Variants in CADPS observed in about 807,000 individuals in gnomAD.
CADPS encodes calcium dependent secretion activator.
CADPS carries 57 observed loss-of-function variants against 167.3 expected under a neutral mutation model. That is an observed-to-expected ratio of 0.34 (90% CI 0.28 to 0.42). The LOEUF is 0.42. Among genes scored for constraint, CADPS ranks in the 20% least tolerant of loss-of-function variants. The pLI, the probability that CADPS is intolerant of heterozygous loss-of-function variation, is 1.00. For synonymous variants in CADPS, 676 were observed against 635.3 expected, an observed-to-expected ratio of 1.06 and a Z score of -0.96; for missense variants, 1,414 against 1,738.1, an observed-to-expected ratio of 0.81 and a Z score of 3.32.
intron 1 of CADPS, among the ~76,000 whole-genome samples, chr3:62,857,999 T>C (rs566191653): frequency 1.3e-3 from 199 of 152,292 alleles, no homozygotes; most frequent in Non-Finnish European, 2.6e-3. Context: ...ATTTCCACTT[T>C]TGTCTAAACA....
intron 13 of CADPS, among the ~76,000 whole-genome samples, 146 bp downstream of exon 13, chr3:62,532,715 CTTTGTGTGTG>C (rs1383338297): frequency 1.5e-5 from 1 of 66,074 alleles, no homozygotes; most frequent in Non-Finnish European, 3.1e-5. Flanking sequence ...AGTTAGTGCC[CTTTGTGTGTG>C]TGTGTGTGTG....
intron 1 of CADPS, among the ~76,000 whole-genome samples, chr3:62,833,949 C>T (rs1252246607): frequency 1.6e-4 from 24 of 152,134 alleles, no homozygotes; most frequent in Admixed American, 1.6e-3. Flanking sequence ...GCATTTATAA[C>T]ACACAGAAAA....
chr3:62,662,106 T>A (rs996968051), intron 4 of CADPS, among the ~76,000 whole-genome samples: 1 of 152,124 alleles, frequency 6.6e-6, no homozygotes, highest in Admixed American at 6.5e-5. Flanking sequence ...TGAGCTTGGG[T>A]ATTCACTGGA....
At chr3:62,806,499 C>T (rs1382638754) in intron 1 of CADPS, among the ~76,000 whole-genome samples, 1 of 152,036 alleles carries the variant, frequency 6.6e-6, no homozygotes, top group Non-Finnish European at 1.5e-5. Context: ...CACTGCACTC[C>T]AGTCTGGACA....
intron 3 of CADPS, among the ~76,000 whole-genome samples, chr3:62,678,164 G>C (rs774138721): frequency 3.3e-5 from 5 of 152,008 alleles, no homozygotes; most frequent in Non-Finnish European, 5.9e-5. Flanking sequence ...GCAGGGAAAG[G>C]GTCATGCAAA....
At chr3:62,672,048 G>A (rs1019566980) in intron 3 of CADPS, among the ~76,000 whole-genome samples, 2 of 152,074 alleles carry the variant, frequency 1.3e-5, no homozygotes, top group Non-Finnish European at 2.9e-5. Flanking sequence ...TCAAAGTGCT[G>A]GGATTACAGG....
intron 1 of CADPS, among the ~76,000 whole-genome samples, chr3:62,851,778 T>C (rs1461821171): frequency 3.3e-5 from 5 of 150,212 alleles, no homozygotes; most frequent in African/African-American, 1.2e-4. Flanking sequence ...TCGAGGAGTA[T>C]CTTTGTGGCA....
At chr3:62,737,806 C>T (rs1222253925) in intron 3 of CADPS, among the ~76,000 whole-genome samples, 1 of 152,104 alleles carries the variant, frequency 6.6e-6, no homozygotes, top group Non-Finnish European at 1.5e-5. Context: ...CAGGCTGTTC[C>T]TTCATTTCCA....
At chr3:62,591,700 G>A (rs2086081879) in intron 7 of CADPS, among the ~76,000 whole-genome samples, 1 of 152,146 alleles carries the variant, frequency 6.6e-6, no homozygotes, top group Non-Finnish European at 1.5e-5. Flanking sequence ...GATGCAAACA[G>A]AAATTTCACT....
chr3:62,847,211 C>T (rs1363674029), intron 1 of CADPS, among the ~76,000 whole-genome samples: 1 of 150,528 alleles, frequency 6.6e-6, no homozygotes, highest in Non-Finnish European at 1.5e-5. Flanking sequence ...TTTGACATGC[C>T]AAAATGTTCT....
At chr3:62,540,718 A>G (rs1043819292) in intron 11 of CADPS, among the ~76,000 whole-genome samples, 1 of 152,132 alleles carries the variant, frequency 6.6e-6, no homozygotes, top group Admixed American at 6.5e-5. Context: ...GCTGTTCCAA[A>G]TTCTGTTTCA....
At chr3:62,644,392 G>A (rs1169353599) in intron 6 of CADPS, among the ~76,000 whole-genome samples, 1 of 152,128 alleles carries the variant, frequency 6.6e-6, no homozygotes, top group African/African-American at 2.4e-5. Flanking sequence ...GAATCTTTGA[G>A]GCCTGAGAGT....
intron 11 of CADPS, among the ~76,000 whole-genome samples, chr3:62,541,463 T>C (rs926919272): frequency 6.6e-6 from 1 of 152,136 alleles, no homozygotes; most frequent in East Asian, 1.9e-4. Context: ...GGTACTGACA[T>C]TAAGAAATTT....
At position 62,874,710 on chromosome 3, in the gene CADPS, C is replaced by T; in HGVS notation, c.320G>A (p.Arg107Gln). The stretch of plus-strand genomic sequence containing the variant: ...CCTCTCCTCCTCCTCTTTCTGCAGC[C>T]GCTCCAACTCTTCCTTCTCCTTCTC... ...VSEKEKEELE[R>Q]LQKEEEERKK... The change falls in exon 1 of 30, where the codon CGG becomes CAG. Residue 107 changes from arginine to glutamine, a missense_variant. Physicochemically the swap from Arg to Gln is conservative, Grantham distance 43. Around this residue, in one of 6 missense-constraint regions of CADPS, gnomAD observed 522 missense variants for 559.5 expected, o/e 0.93. Transcript: ENST00000383710. This position sits in a 1 kb window ranked among gnomAD's most constrained non-coding sequence, Gnocchi z 7.1. The T allele has an allele frequency of 1.3e-6, 2 of 1,544,004 alleles. No individual in the cohort carries two copies. Among genetic ancestry groups the T allele is most frequent in the Non-Finnish European group, 1.8e-6 (2 of 1,139,578 alleles).
intron 11 of CADPS, among the ~76,000 whole-genome samples, chr3:62,540,459 T>G (rs1168186728): frequency 2.0e-5 from 3 of 152,098 alleles, no homozygotes; most frequent in Admixed American, 2.0e-4. Context: ...CTCTGACACC[T>G]TCATCCCAGT....
intron 1 of CADPS, among the ~76,000 whole-genome samples, chr3:62,861,117 AT>A (rs2080721450): frequency 6.6e-6 from 1 of 152,184 alleles, no homozygotes; most frequent in Non-Finnish European, 1.5e-5. Flanking sequence ...TTGGGGCTAA[AT>A]TAAACTCCAT....
chr3:62,649,540 G>A (rs1030648172), intron 5 of CADPS, among the ~76,000 whole-genome samples: 2 of 94,438 alleles, frequency 2.1e-5, no homozygotes, highest in African/African-American at 8.1e-5. Flanking sequence ...TACAATATGT[G>A]GTCTTTTTTT....
intron 3 of CADPS, among the ~76,000 whole-genome samples, chr3:62,717,085 A>G (rs966836161): frequency 1.3e-5 from 2 of 152,174 alleles, no homozygotes; most frequent in African/African-American, 4.8e-5. Context: ...TTGATTTTGT[A>G]ATTTTCCTCT....
intron 3 of CADPS, among the ~76,000 whole-genome samples, chr3:62,724,887 T>C (rs2076457971): frequency 6.6e-6 from 1 of 152,222 alleles, no homozygotes; most frequent in Non-Finnish European, 1.5e-5. Flanking sequence ...TAAACACACT[T>C]GGGGAAATAG....
Sources: allele counts gnomAD v4.1 joint callset (sites outside exome capture counted in the v4.1 genomes callset), GRCh38; gene constraint gnomAD v4.1.1; regional missense constraint gnomAD v4.1.1; non-coding constraint Gnocchi (gnomAD v3.1); transcripts MANE v1.5; gene names NCBI Gene and HGNC (gene_info 2026-07-23, HGNC 2026-07-21).